Variants in HIPK3 observed in about 807,000 individuals in gnomAD.
The protein encoded by HIPK3 is homeodomain interacting protein kinase 3, also known as homeodomain-interacting protein kinase 3.
HIPK3 carries 47 observed loss-of-function variants against 124.2 expected under a neutral mutation model. That is an observed-to-expected ratio of 0.38 (90% CI 0.30 to 0.48). The LOEUF is 0.48. Ranked by LOEUF, HIPK3 falls within the 20% of genes least tolerant of loss-of-function variation. The probability of loss-of-function intolerance (pLI) is 0.98; values close to 1 mark genes in which losing one functional copy is unlikely to be tolerated. For missense variants in HIPK3, 1,286 were observed against 1,454.3 expected, an observed-to-expected ratio of 0.88 and a Z score of 1.88; for synonymous variants, 482 against 515.2, an observed-to-expected ratio of 0.94 and a Z score of 0.87.
chr11:33,262,229 G>A (rs989395717), intron 1 of HIPK3, among the ~76,000 whole-genome samples: 1 of 152,214 alleles, frequency 6.6e-6, no homozygotes, highest in Non-Finnish European at 1.5e-5. Context: ...GGCTTGGTAT[G>A]TAGTTAAGAG....
At position 33,341,061 on chromosome 11, in the gene HIPK3, A is replaced by G. The variant is rs1853317644; in HGVS notation, c.1707A>G (p.Pro569=). ...NNHNKTSLLR[P]VASSSTATLT... ...ACAACAAAACTTCACTTTTAAGACC[A>G]GTTGCTTCAAGCAGTACTGCTACAC... The change falls in exon 7 of 17, where the codon CCA becomes CCG. Residue 569 remains proline, a synonymous_variant. Coordinates refer to ENST00000303296, the MANE Select transcript of HIPK3 (RefSeq NM_005734.5). 3 of 1,612,142 alleles carry G rather than the reference A, an allele frequency of 1.9e-6. No homozygotes were observed. The highest frequency in any genetic ancestry group is 2.5e-6 in the Non-Finnish European group (3 of 1,178,822).
At position 33,277,167 on chromosome 11, in the gene HIPK3, A is replaced by G. The variant is rs34660429; in HGVS notation, c.-2-9246A>G. The stretch of plus-strand genomic sequence containing the variant: ...ATGCAACTGTCATCCAGTGTGCAAA[A>G]TAAATTTGAGGTCCCTTCCTTCTCT... On this transcript the variant is annotated intron_variant, in intron 1 of 16. Coordinates refer to ENST00000303296, the MANE Select transcript of HIPK3 (RefSeq NM_005734.5). Among the ~76,000 whole-genome samples the G allele has an allele frequency of 8.4e-3, 1,280 of 152,240 alleles. 13 individuals are homozygous for G. Among genetic ancestry groups the G allele is most frequent in the Non-Finnish European group, 0.013 (882 of 68,010 alleles).
At chr11:33,300,969 A>G (rs1851982018) in intron 2 of HIPK3, among the ~76,000 whole-genome samples, 1 of 152,114 alleles carries the variant, frequency 6.6e-6, no homozygotes, top group Admixed American at 6.6e-5. Flanking sequence ...GCAATCTGCC[A>G]GTGTTGGTCT....
intron 1 of HIPK3, among the ~76,000 whole-genome samples, chr11:33,261,156 A>T (rs1032539095): frequency 8.8e-5 from 13 of 146,918 alleles, no homozygotes; most frequent in Admixed American, 1.4e-4. Context: ...ATATTATATA[A>T]ATATATATAA....
chr11:33,340,821 G>A, intron 6 of HIPK3, 147 bp from the exon 7 acceptor site: 3 of 473,812 alleles, frequency 6.3e-6, no homozygotes, highest in Non-Finnish European at 1.1e-5. Flanking sequence ...AAGATTTCCT[G>A]TTAGAAATAC....
intron 1 of HIPK3, among the ~76,000 whole-genome samples, chr11:33,273,200 A>G (rs1851182145): frequency 6.6e-6 from 1 of 152,090 alleles, no homozygotes; most frequent in Admixed American, 6.5e-5. Flanking sequence ...TAAAAAGAGT[A>G]TTTCCACATT....
chr11:33,356,802 A>G lies in HIPK3; in HGVS notation c.*3234A>G, dbSNP rs1042762367. 6 of 152,098 alleles carry G rather than the reference A, an allele frequency of 3.9e-5. No homozygotes were observed. The highest frequency in any genetic ancestry group is 8.8e-5 in the Non-Finnish European group (6 of 67,948). The allele number at this position is 152,098 out of a possible 1,614,324, so 9.4% of individuals were successfully genotyped here. ...TGCCATGTAGCAATTGCACTGTGCA[A>G]TATTACAATAAGGACTGGGAAAATT... On this transcript the variant is annotated 3_prime_UTR_variant, in exon 17 of 17. Transcript: ENST00000303296.
In HIPK3 at chr11:33,348,751, G is replaced by C. The variant is rs1277393904; in HGVS notation, c.2599G>C (p.Val867Leu). The C allele has an allele frequency of 6.2e-7, 1 of 1,614,178 alleles. No homozygotes were observed. Among genetic ancestry groups the C allele is most frequent in the East Asian group, 2.2e-5 (1 of 44,874 alleles). ...IIIADSPSPA[V>L]SVITISSDTD... ...TATTGCCGACTCCCCGAGTCCTGCAGTGAGTGTCATCACTATCAGCAGTGA... is the reference window on the plus strand; with the variant it reads ...TATTGCCGACTCCCCGAGTCCTGCACTGAGTGTCATCACTATCAGCAGTGA... The change falls in exon 13 of 17, where the codon GTG (valine) becomes CTG (leucine). Residue 867 changes from valine to leucine, a missense_variant. Physicochemically the swap from Val to Leu is conservative, Grantham distance 32. Transcript: ENST00000303296.
intron 2 of HIPK3, among the ~76,000 whole-genome samples, chr11:33,293,859 A>G (rs1851766843): frequency 6.6e-6 from 1 of 152,128 alleles, no homozygotes; most frequent in African/African-American, 2.4e-5. Flanking sequence ...ATGGGTAGAC[A>G]AAGAACAAAA....
intron 1 of HIPK3, among the ~76,000 whole-genome samples, chr11:33,267,535 C>T (rs1038574055): frequency 7.3e-5 from 11 of 151,716 alleles, no homozygotes; most frequent in African/African-American, 2.4e-4. Flanking sequence ...TCGCTCTGTC[C>T]CCCAGGCTGG....
At chr11:33,257,993 C>T (rs992363942) in intron 1 of HIPK3, 104 bp downstream of exon 1, 1 of 908,618 alleles carries the variant, frequency 1.1e-6, no homozygotes. Context: ...GGGCCTGGCC[C>T]GACACCTCCG....
chr11:33,298,218 A>G (rs182770170), intron 2 of HIPK3, among the ~76,000 whole-genome samples: 7 of 152,276 alleles, frequency 4.6e-5, no homozygotes, highest in East Asian at 1.9e-4. Context: ...GACTCTGCCT[A>G]TGTTCTAGAA....
chr11:33,291,887 TA>T (rs923714231), intron 2 of HIPK3, among the ~76,000 whole-genome samples: 1 of 152,314 alleles, frequency 6.6e-6, no homozygotes, highest in African/African-American at 2.4e-5. Context: ...TGTTGAGTTT[TA>T]AAAAATGCTA....
chr11:33,348,730 GC>G lies in HIPK3; in HGVS notation c.2580del (p.Asp861ThrfsTer7). ...CAAACAGCGGCAAACCATCATTATT[GC>G]CGACTCCCCGAGTCCTGCAGTGAGT... ...SDKQRQTIII[A>X]DSPSPAVSVI... On this transcript the variant is annotated frameshift_variant, in exon 13 of 17. Coordinates refer to ENST00000303296, the MANE Select transcript of HIPK3 (RefSeq NM_005734.5). LOFTEE classifies it high-confidence loss of function. 6.2e-7 allele frequency: 1 copy of G among 1,614,094 alleles called. No homozygotes were observed. Among genetic ancestry groups the G allele is most frequent in the Non-Finnish European group, 8.5e-7 (1 of 1,179,990 alleles).
At chr11:33,280,955 G>A (rs1179669062) in intron 1 of HIPK3, among the ~76,000 whole-genome samples, 1 of 151,838 alleles carries the variant, frequency 6.6e-6, no homozygotes, top group Non-Finnish European at 1.5e-5. Context: ...GACTCTACAT[G>A]GCCCTGGGAG....
chr11:33,298,418 G>A (rs989560612), intron 2 of HIPK3, among the ~76,000 whole-genome samples: 4 of 152,206 alleles, frequency 2.6e-5, no homozygotes, highest in Admixed American at 2.6e-4. Context: ...TTGTTTTCAT[G>A]TTTGCTAACA....
chr11:33,318,134 T>A (rs960277995), intron 2 of HIPK3, among the ~76,000 whole-genome samples: 1 of 152,210 alleles, frequency 6.6e-6, no homozygotes, highest in South Asian at 2.1e-4. Flanking sequence ...TCAAAGGTGA[T>A]AGGTTTAAAG....
chr11:33,337,295 C>T (rs750845214), intron 4 of HIPK3, 101 bp downstream of exon 4: 2 of 582,538 alleles, frequency 3.4e-6, no homozygotes, highest in East Asian at 3.5e-5. Flanking sequence ...TACTATATTT[C>T]TTCCTTTTTT....
At chr11:33,340,161 A>G (rs1853287294) in intron 6 of HIPK3, among the ~76,000 whole-genome samples, 1 of 152,120 alleles carries the variant, frequency 6.6e-6, no homozygotes, top group African/African-American at 2.4e-5. Flanking sequence ...GCTCACTACA[A>G]CCTCCGCCTC....
Sources: gnomAD v4.1 joint callset for allele counts (sites outside exome capture counted in the v4.1 genomes callset) on GRCh38, gnomAD v4.1.1 for gene constraint, MANE v1.5 for transcripts, NCBI Gene and HGNC (gene_info 2026-07-23, HGNC 2026-07-21) for gene names.